Variants in SYNE2 observed in about 807,000 individuals in gnomAD.
SYNE2 encodes the protein nesprin-2.
In SYNE2, 431 loss-of-function variants were observed where a neutral mutation model predicts 856.3. That is an observed-to-expected ratio of 0.50 (90% CI 0.47 to 0.55). The LOEUF is 0.55. Ranked by LOEUF, SYNE2 falls within the 20% of genes least tolerant of loss-of-function variation. The probability of loss-of-function intolerance (pLI) is 0.00; values close to 1 mark genes in which losing one functional copy is unlikely to be tolerated. For missense variants in SYNE2, 8,129 were observed against 8,023.2 expected (o/e 1.01, Z -0.50); for synonymous variants, 2,923 against 2,872.3 (o/e 1.02, Z -0.56).
chr14:64,051,580 A>G lies in SYNE2; in HGVS notation c.7667A>G (p.Tyr2556Cys), dbSNP rs780038886. Residue 2556 changes from tyrosine to cysteine, a missense_variant, in exon 48 of 116, where the codon TAT becomes TGT. Around this residue, in one of 3 missense-constraint regions of SYNE2, gnomAD observed 5,410 missense variants for 5,284.8 expected, o/e 1.02. Transcript: ENST00000555002. ...LKVGPLDSVT[Y>C]LDKIKKFIAS... ...AGAGGACCACTGGACAGTGTAACGT[A>G]TCTGGACAAAATTAAAAAATTCATA... 5 of 1,613,402 alleles carry G rather than the reference A, an allele frequency of 3.1e-6. No individual in the cohort carries two copies. In the African/African-American group the frequency reaches 5.3e-5, roughly 17 times the overall value.
chr14:64,207,345 A>G (rs1271556512), intron 100 of SYNE2, among the ~76,000 whole-genome samples: 1 of 152,072 alleles, frequency 6.6e-6, no homozygotes, highest in African/African-American at 2.4e-5. Context: ...GAGGCCAAGG[A>G]GGGTGGATCA....
In SYNE2 at chr14:64,170,204, C is replaced by G. The variant is rs1302980162; in HGVS notation, c.17001-24C>G. ...TTTTCTACATGTCGATGTCTGGATT[C>G]TATAACCATTTGTTTTTCCCCAGAC... On this transcript the variant is annotated intron_variant, in intron 93 of 115. Coordinates refer to ENST00000555002, the MANE Select transcript of SYNE2 (RefSeq NM_182914.3). 5 of 1,606,932 alleles carry G rather than the reference C, an allele frequency of 3.1e-6. No homozygotes were observed. The Admixed American group carries it at 6.7e-5, about 21-fold the overall frequency.
intron 101 of SYNE2, 167 bp downstream of exon 101, chr14:64,209,112 C>T (rs1350732673): frequency 2.0e-6 from 2 of 986,898 alleles, no homozygotes; most frequent in Non-Finnish European, 3.0e-6. Context: ...AAAAATGTAA[C>T]CGGAGTAATG....
At chr14:63,908,173 A>G (rs2095431114) in intron 1 of SYNE2, among the ~76,000 whole-genome samples, 1 of 152,110 alleles carries the variant, frequency 6.6e-6, no homozygotes, top group South Asian at 2.1e-4. Context: ...CCAGCATTTT[A>G]TTATGCAAAA....
chr14:63,961,642 A>G lies in SYNE2; in HGVS notation c.888+17A>G, dbSNP rs141247973. 6.3e-3 allele frequency: 9,818 copies of G among 1,566,406 alleles called. 41 individuals are homozygous for G. The highest frequency in any genetic ancestry group is 8.3e-3 in the Admixed American group (495 of 59,854). On this transcript the variant is annotated intron_variant, in intron 9 of 115. Coordinates refer to ENST00000555002, the MANE Select transcript of SYNE2 (RefSeq NM_182914.3). Reference sequence around the variant, plus strand: ...GAGGCTCAGGTATGTTTTCATATGCATAAATCAAGCTCATTTTAGTTGTAT... The same window carrying G: ...GAGGCTCAGGTATGTTTTCATATGCGTAAATCAAGCTCATTTTAGTTGTAT...
intron 112 of SYNE2, among the ~76,000 whole-genome samples, chr14:64,222,381 T>A (rs184383493): frequency 2.6e-4 from 39 of 152,310 alleles, no homozygotes; most frequent in Middle Eastern, 3.4e-3. Context: ...GAAATGTGGC[T>A]ATTATGACTG....
chr14:63,849,539 T>C (rs895067289), upstream of SYNE2, among the ~76,000 whole-genome samples: 3 of 152,196 alleles, frequency 2.0e-5, no homozygotes, highest in African/African-American at 7.2e-5. Context: ...GTATACTTCC[T>C]TGCCAAATCT....
chr14:64,067,656 TA>T (rs1234275213), intron 51 of SYNE2, among the ~76,000 whole-genome samples: 2 of 152,254 alleles, frequency 1.3e-5, no homozygotes, highest in African/African-American at 2.4e-5. Flanking sequence ...CAGACTTTTT[TA>T]AAAATTAAAT....
chr14:63,877,710 G>A (rs1034692154), intron 1 of SYNE2, among the ~76,000 whole-genome samples: 7 of 152,138 alleles, frequency 4.6e-5, no homozygotes, highest in East Asian at 1.9e-4. Flanking sequence ...TCAAAGCGGC[G>A]TTATCTTTCA....
rs574931276 is a variant in SYNE2, at chr14:64,127,993, T to C, written c.13918-459T>C. On this transcript the variant is annotated intron_variant, in intron 73 of 115. Transcript: ENST00000555002. Reference sequence around the variant, plus strand: ...TAAGATGTATTTATCCATCATGACATGTGGACCTCATTTGGATCATCATTG... The same window carrying C: ...TAAGATGTATTTATCCATCATGACACGTGGACCTCATTTGGATCATCATTG... Among the ~76,000 whole-genome samples the C allele has an allele frequency of 2.0e-4, 30 of 152,290 alleles. 1 individual carries two copies. The South Asian group carries it at 5.8e-3, about 29-fold the overall frequency.
At chr14:63,990,359 T>C in intron 19 of SYNE2, 52 bp from the exon 20 acceptor site, 8 of 1,566,804 alleles carry the variant, frequency 5.1e-6, no homozygotes, top group Non-Finnish European at 7.0e-6. Context: ...GATTAATGTT[T>C]AGCATATAAT....
intron 74 of SYNE2, among the ~76,000 whole-genome samples, chr14:64,129,073 T>A (rs1198024391): frequency 6.6e-6 from 1 of 152,220 alleles, no homozygotes; most frequent in Admixed American, 6.5e-5. Flanking sequence ...CTTGGGAGAC[T>A]GAGGCAGGTG....
chr14:63,879,067 T>G (rs1025591201), intron 1 of SYNE2, among the ~76,000 whole-genome samples: 1 of 152,046 alleles, frequency 6.6e-6, no homozygotes, highest in Non-Finnish European at 1.5e-5. Flanking sequence ...CAGTTGGGTG[T>G]GCTGGTATGT....
chr14:64,070,651 C>G lies in SYNE2; in HGVS notation c.10438C>G (p.Arg3480Gly), dbSNP rs548425233. 1 of 1,612,514 alleles carries G rather than the reference C, an allele frequency of 6.2e-7. No homozygotes were observed. The highest frequency in any genetic ancestry group is 2.2e-5 in the East Asian group (1 of 44,882). ...EWKFVSEEIE[R>G]EAIILDNLQE... is the part of the protein sequence containing the mutation. ...TTTTTGTTTTTTGAATTAGATTGAA[C>G]GAGAGGCAATTATTTTAGATAATCT... Residue 3480 changes from arginine (R) to glycine (G), a missense_variant, in exon 52 of 116, where the codon CGA (arginine) becomes GGA (glycine). Physicochemically the swap from Arg to Gly is moderately radical, Grantham distance 125. Around this residue, in one of 3 missense-constraint regions of SYNE2, gnomAD observed 5,410 missense variants for 5,284.8 expected, o/e 1.02. Transcript: ENST00000555002.
chr14:63,823,942 T>G (rs749878739), intron 1 of SYNE2, among the ~76,000 whole-genome samples: 5 of 152,134 alleles, frequency 3.3e-5, no homozygotes, highest in Non-Finnish European at 7.4e-5. Flanking sequence ...TGGCCCAGGT[T>G]AATGGTTAGT....
chr14:63,827,985 G>A (rs1052409443), intron 1 of SYNE2, among the ~76,000 whole-genome samples: 5 of 149,254 alleles, frequency 3.3e-5, no homozygotes, highest in Non-Finnish European at 1.5e-5. Flanking sequence ...TTGAGCTCAA[G>A]TGTTTGAGAC....
At position 64,002,818 on chromosome 14, in the gene SYNE2, C is replaced by T. The variant is rs570341792; in HGVS notation, c.3885C>T (p.His1295=). The T allele has an allele frequency of 2.5e-5, 41 of 1,613,912 alleles. No homozygotes were observed. The highest frequency in any genetic ancestry group is 7.7e-5 in the South Asian group (7 of 91,078). Reference sequence around the variant, plus strand: ...AGGAGTTACACCCATTTGATCTACACGCAATGCAGAATATTATACTGAAAT... The same window carrying T: ...AGGAGTTACACCCATTTGATCTACATGCAATGCAGAATATTATACTGAAAT... ...VLKELHPFDL[H]AMQNIILKYK... is the part of the protein sequence containing the mutation. The change falls in exon 30 of 116, where the codon CAC becomes CAT. Residue 1295 remains histidine (H), a synonymous_variant. Transcript: ENST00000555002.
At chr14:64,020,238 G>C in intron 35 of SYNE2, 145 bp downstream of exon 35, 4 of 649,326 alleles carry the variant, frequency 6.2e-6, no homozygotes, top group Non-Finnish European at 1.1e-5. Flanking sequence ...CTATAACAGG[G>C]GTGTCCTGTC....
chr14:63,958,207 A>G (rs1259688396), intron 8 of SYNE2, among the ~76,000 whole-genome samples: 4 of 152,198 alleles, frequency 2.6e-5, no homozygotes, highest in African/African-American at 9.7e-5. Flanking sequence ...CAATATGGAT[A>G]TGTTATTTTA....
Sources: gnomAD v4.1 joint callset for allele counts (sites outside exome capture counted in the v4.1 genomes callset) on GRCh38, gnomAD v4.1.1 for gene constraint, gnomAD v4.1.1 regional missense constraint, MANE v1.5 for transcripts, NCBI Gene and HGNC (gene_info 2026-07-23, HGNC 2026-07-21) for gene names.